The following NPAT variants were observed in gnomAD, a reference collection of about 807,000 sequenced individuals.
NPAT encodes nuclear protein, coactivator of histone transcription.
Under a neutral mutation model 130.7 loss-of-function variants are expected in NPAT, and 52 were observed. That is an observed-to-expected ratio of 0.40 (90% CI 0.32 to 0.50). NPAT has a LOEUF of 0.50. NPAT is among the 20% of genes least tolerant of loss of function. NPAT has a pLI of 0.68. For synonymous variants in NPAT, 580 were observed against 584.8 expected (o/e 0.99, Z 0.12); for missense variants, 1,687 against 1,662.6 (o/e 1.01, Z -0.26).
intron 10 of NPAT, among the ~76,000 whole-genome samples, chr11:108,184,095 T>C (rs143704143): frequency 1.6e-4 from 25 of 152,184 alleles, no homozygotes; most frequent in Admixed American, 7.2e-4. Context: ...ACAGTGACCA[T>C]TGTCCCCATC....
chr11:108,219,007 C>T (rs1469770527), intron 1 of NPAT, among the ~76,000 whole-genome samples: 2 of 152,184 alleles, frequency 1.3e-5, no homozygotes, highest in Non-Finnish European at 2.9e-5. Context: ...GAACCAGCAG[C>T]TCTTGACCTG....
intron 10 of NPAT, among the ~76,000 whole-genome samples, chr11:108,182,439 C>G (rs1391670070): frequency 6.6e-6 from 1 of 152,138 alleles, no homozygotes; most frequent in African/African-American, 2.4e-5. Context: ...ACTTCTCGAG[C>G]CTTTTGGGAT....
At chr11:108,167,018 CAG>C (rs1398423745) in intron 15 of NPAT, among the ~76,000 whole-genome samples, 1 of 152,116 alleles carries the variant, frequency 6.6e-6, no homozygotes, top group African/African-American at 2.4e-5. Flanking sequence ...TCATTATAAA[CAG>C]TATCTTATTT....
chr11:108,158,735 G>GTT lies in NPAT; in HGVS notation c.*205_*206dup, dbSNP rs2077818339. 2.0e-6 allele frequency: 1 copy of GTT among 496,040 alleles called. No homozygotes were observed. Among genetic ancestry groups the GTT allele is most frequent in the African/African-American group, 2.0e-5 (1 of 51,216 alleles). 30.7% of individuals were successfully genotyped at this position (496,040 alleles called of 1,614,324 possible). The stretch of plus-strand genomic sequence containing the variant: ...TGGCTTTACTTACATTTCTGCAAAC[G>GTT]TTTTTCCCAAAATAAAAATATACCA... On this transcript the variant is annotated 3_prime_UTR_variant, in exon 18 of 18. Transcript: ENST00000278612.
chr11:108,184,221 G>A (rs1000459675), intron 10 of NPAT, among the ~76,000 whole-genome samples: 1 of 151,796 alleles, frequency 6.6e-6, no homozygotes, highest in Non-Finnish European at 1.5e-5. Context: ...ACCTGTAATC[G>A]AGCACTTTGG....
At chr11:108,218,194 C>T (rs1157668483) in intron 1 of NPAT, among the ~76,000 whole-genome samples, 1 of 151,998 alleles carries the variant, frequency 6.6e-6, no homozygotes, top group Non-Finnish European at 1.5e-5. Context: ...GAAAGTATGC[C>T]TGAGTTTCCT....
chr11:108,180,397 T>C (rs545018233), intron 10 of NPAT, among the ~76,000 whole-genome samples: 1 of 152,302 alleles, frequency 6.6e-6, no homozygotes, highest in African/African-American at 2.4e-5. Context: ...GATTGAACAA[T>C]GAACAAATAA....
At chr11:108,179,161 T>C (rs2078035919) in intron 10 of NPAT, among the ~76,000 whole-genome samples, 1 of 152,236 alleles carries the variant, frequency 6.6e-6, no homozygotes, top group Non-Finnish European at 1.5e-5. Context: ...TTGGGAAAAT[T>C]GAATACTTAC....
intron 10 of NPAT, 132 bp from the exon 11 acceptor site, chr11:108,177,222 G>A (rs1182517683): frequency 5.3e-6 from 2 of 378,256 alleles, no homozygotes; most frequent in Non-Finnish European, 9.2e-6. Context: ...TAGAGTCACT[G>A]TAGCTCACTA....
At chr11:108,174,942 A>G (rs2077990429) in intron 12 of NPAT, among the ~76,000 whole-genome samples, 1 of 152,218 alleles carries the variant, frequency 6.6e-6, no homozygotes, top group South Asian at 2.1e-4. Context: ...TCAGAAAACA[A>G]CAATACAGCA....
chr11:108,194,026 A>T lies in NPAT; in HGVS notation c.157-9T>A, dbSNP rs1365262521. ...TTTTTTCCAAATAAGGACTGAAAAG[A>T]AAAAGATCAAATATTACCAAAATTG... On this transcript the variant is annotated splice_polypyrimidine_tract_variant and intron_variant, in intron 2 of 17. Transcript: ENST00000278612. 1 of 1,394,840 alleles carries T rather than the reference A, an allele frequency of 7.2e-7. No homozygotes were observed. Among genetic ancestry groups the T allele is most frequent in the Non-Finnish European group, 1.0e-6 (1 of 982,810 alleles). 86.4% of individuals were successfully genotyped at this position (1,394,840 alleles called of 1,614,324 possible).
chr11:108,192,820 G>T (rs2078183407), intron 3 of NPAT, among the ~76,000 whole-genome samples: 1 of 152,170 alleles, frequency 6.6e-6, no homozygotes, highest in Non-Finnish European at 1.5e-5. Flanking sequence ...TGGGCATGGT[G>T]GCGTGCGCCT....
intron 1 of NPAT, among the ~76,000 whole-genome samples, chr11:108,197,860 A>G (rs2078238820): frequency 6.6e-6 from 1 of 152,254 alleles, no homozygotes; most frequent in East Asian, 1.9e-4. Context: ...TGATTTATAA[A>G]AAGAATGAAC....
At chr11:108,159,144 A>G in intron 17 of NPAT, 125 bp from the exon 18 acceptor site, 3 of 640,088 alleles carry the variant, frequency 4.7e-6, no homozygotes, top group Non-Finnish European at 8.2e-6. Context: ...TTTTTAGTCT[A>G]TTAGAATTTT....
intron 10 of NPAT, among the ~76,000 whole-genome samples, chr11:108,179,519 C>T (rs780747649): frequency 2.0e-5 from 3 of 152,180 alleles, no homozygotes; most frequent in African/African-American, 2.4e-5. Flanking sequence ...GGATTACAGG[C>T]GTGAGCCACC....
At chr11:108,160,836 G>A (rs546973360) in intron 17 of NPAT, 44 bp downstream of exon 17, 22 of 1,549,192 alleles carry the variant, frequency 1.4e-5, no homozygotes, top group East Asian at 9.2e-5. Flanking sequence ...TCACTAAAGC[G>A]GAAAAAAAAG....
At chr11:108,195,222 A>C (rs1195072943) in intron 2 of NPAT, among the ~76,000 whole-genome samples, 1 of 152,202 alleles carries the variant, frequency 6.6e-6, no homozygotes, top group Non-Finnish European at 1.5e-5. Context: ...GTTGGTTCAC[A>C]TGAGGAGTAC....
chr11:108,192,545 CTT>C (rs1273664935), intron 3 of NPAT, among the ~76,000 whole-genome samples: 2 of 152,270 alleles, frequency 1.3e-5, no homozygotes, highest in South Asian at 2.1e-4. Context: ...AGTAATCTGT[CTT>C]ATAATAATTA....
intron 1 of NPAT, among the ~76,000 whole-genome samples, chr11:108,215,296 T>C (rs989886602): frequency 2.6e-5 from 4 of 152,166 alleles, no homozygotes; most frequent in Non-Finnish European, 5.9e-5. Flanking sequence ...ATTTGTTAGC[T>C]ACTGAAATTA....
Sources: gnomAD v4.1 joint callset for allele counts (sites outside exome capture counted in the v4.1 genomes callset) on GRCh38, gnomAD v4.1.1 for gene constraint, MANE v1.5 for transcripts, NCBI Gene and HGNC (gene_info 2026-07-23, HGNC 2026-07-21) for gene names.